The following LAMA2 variants were observed in gnomAD, a reference collection of about 807,000 sequenced individuals.
LAMA2 encodes laminin subunit alpha-2.
LAMA2 carries 269 observed loss-of-function variants against 364.8 expected under a neutral mutation model. The ratio of observed to expected loss-of-function variants is 0.74; its 90% confidence interval spans 0.67 to 0.82. LAMA2 has a LOEUF of 0.82. Ranked by LOEUF, LAMA2 falls within the 40% of genes least tolerant of loss-of-function variation. The pLI is 0.00. For synonymous variants in LAMA2, 1,379 were observed against 1,370.6 expected (o/e 1.01, Z -0.14); for missense variants, 3,807 against 3,873.2 (o/e 0.98, Z 0.45).
At chr6:129,329,983 TA>T (rs1442184059) in intron 29 of LAMA2, among the ~76,000 whole-genome samples, 1 of 151,980 alleles carries the variant, frequency 6.6e-6, no homozygotes, top group Non-Finnish European at 1.5e-5. Context: ...GCACAAACCC[TA>T]TTGTGAACTG....
intron 1 of LAMA2, among the ~76,000 whole-genome samples, chr6:129,035,319 A>G (rs998401882): frequency 7.0e-6 from 1 of 142,340 alleles, no homozygotes; most frequent in African/African-American, 2.6e-5. Flanking sequence ...TTTTTTTAGA[A>G]GTGTCTGTTA....
At chr6:129,073,977 G>T (rs1352750458) in intron 3 of LAMA2, among the ~76,000 whole-genome samples, 2 of 152,084 alleles carry the variant, frequency 1.3e-5, no homozygotes, top group Non-Finnish European at 2.9e-5. Context: ...TTTTCATTCT[G>T]TCAAGAGTTA....
At chr6:129,064,001 A>G (rs1324975520) in intron 3 of LAMA2, among the ~76,000 whole-genome samples, 1 of 152,144 alleles carries the variant, frequency 6.6e-6, no homozygotes, top group Non-Finnish European at 1.5e-5. Context: ...TCATTTAAAC[A>G]TATTAAAGGT....
chr6:129,474,087 G>A lies in LAMA2; in HGVS notation c.7439+735G>A, dbSNP rs562457227. The stretch of plus-strand genomic sequence containing the variant: ...TGGGATTAATTGATTTGGTTAAACC[G>A]TAAGAGTTTATTACAGACTACCATG... On this transcript the variant is annotated intron_variant, in intron 52 of 64. Transcript: ENST00000421865. Among the ~76,000 whole-genome samples the A allele has an allele frequency of 6.6e-5, 10 of 152,110 alleles. No homozygotes were observed. The East Asian group carries it at 7.7e-4, about 12-fold the overall frequency.
chr6:129,006,283 A>C (rs1784438592), intron 1 of LAMA2, among the ~76,000 whole-genome samples: 1 of 152,200 alleles, frequency 6.6e-6, no homozygotes, highest in Non-Finnish European at 1.5e-5. Flanking sequence ...TTATATTTTC[A>C]GTGTTTTAAT....
chr6:129,286,413 C>G (rs1789127987), intron 18 of LAMA2, among the ~76,000 whole-genome samples: 1 of 150,186 alleles, frequency 6.7e-6, no homozygotes, highest in Non-Finnish European at 1.5e-5. Context: ...AAGGACGTTT[C>G]TGCACACCTG....
chr6:129,286,558 G>T (rs1789144313), intron 18 of LAMA2, among the ~76,000 whole-genome samples: 2 of 5,566 alleles, frequency 3.6e-4, no homozygotes, highest in African/African-American at 6.3e-4. Flanking sequence ...TATATAAATA[G>T]TTTTATATTA....
intron 56 of LAMA2, among the ~76,000 whole-genome samples, chr6:129,488,947 C>A (rs773112189): frequency 6.6e-6 from 1 of 151,708 alleles, no homozygotes; most frequent in Non-Finnish European, 1.5e-5. Flanking sequence ...AACATCCTTT[C>A]ATCACAGATG....
chr6:129,083,685 A>G (rs1774200707), intron 3 of LAMA2, among the ~76,000 whole-genome samples: 1 of 152,224 alleles, frequency 6.6e-6, no homozygotes, highest in South Asian at 2.1e-4. Flanking sequence ...GTGTTTGTTA[A>G]AAGTTTCAAA....
intron 62 of LAMA2, among the ~76,000 whole-genome samples, chr6:129,510,576 C>CAT (rs1391164404): frequency 1.3e-5 from 2 of 152,052 alleles, no homozygotes; most frequent in South Asian, 4.1e-4. Flanking sequence ...AAATAAGTAA[C>CAT]ATAGTTCTTT....
intron 30 of LAMA2, among the ~76,000 whole-genome samples, chr6:129,346,257 A>G (rs1776545723): frequency 6.6e-6 from 1 of 152,132 alleles, no homozygotes; most frequent in Admixed American, 6.5e-5. Flanking sequence ...TCCATTCTAT[A>G]TAATGCCAAG....
chr6:129,403,329 G>A (rs537062210), intron 39 of LAMA2, among the ~76,000 whole-genome samples: 14 of 152,176 alleles, frequency 9.2e-5, no homozygotes, highest in Non-Finnish European at 1.6e-4. Flanking sequence ...CACAAAGCTA[G>A]GTATCATCAG....
chr6:129,446,767 G>A (rs1041112486), intron 45 of LAMA2, among the ~76,000 whole-genome samples: 5 of 151,892 alleles, frequency 3.3e-5, no homozygotes, highest in African/African-American at 9.7e-5. Flanking sequence ...TTAAGAATAC[G>A]ATGCTCCAGT....
intron 12 of LAMA2, among the ~76,000 whole-genome samples, chr6:129,240,762 G>A (rs969758614): frequency 6.6e-6 from 1 of 152,144 alleles, no homozygotes; most frequent in African/African-American, 2.4e-5. Flanking sequence ...AATTGAAAAT[G>A]CATTTATAAC....
chr6:129,487,773 A>G (rs1784664995), intron 56 of LAMA2, among the ~76,000 whole-genome samples: 1 of 152,204 alleles, frequency 6.6e-6, no homozygotes, highest in South Asian at 2.1e-4. Flanking sequence ...CAGAATGGCT[A>G]CTGAGACGTT....
intron 22 of LAMA2, among the ~76,000 whole-genome samples, chr6:129,311,738 T>A (rs1774245176): frequency 6.6e-6 from 1 of 152,126 alleles, no homozygotes; most frequent in Admixed American, 6.5e-5. Flanking sequence ...TTTAAAAGGA[T>A]AATGTAAGAC....
At chr6:129,237,855 A>G (rs1010387760) in intron 12 of LAMA2, among the ~76,000 whole-genome samples, 1 of 151,944 alleles carries the variant, frequency 6.6e-6, no homozygotes, top group African/African-American at 2.4e-5. Context: ...TGGCAATCCA[A>G]TGGGTGAAAA....
At chr6:128,961,310 A>C (rs974779405) in intron 1 of LAMA2, among the ~76,000 whole-genome samples, 1 of 95,258 alleles carries the variant, frequency 1.0e-5, no homozygotes, top group African/African-American at 3.5e-5. Flanking sequence ...GAGGGACAGA[A>C]CTAATATGAT....
intron 40 of LAMA2, among the ~76,000 whole-genome samples, chr6:129,421,503 G>T (rs1781071686): frequency 6.6e-6 from 1 of 152,048 alleles, no homozygotes; most frequent in African/African-American, 2.4e-5. Context: ...TGATGCTTAT[G>T]AATATGTATA....
Sources: gnomAD v4.1 joint callset for allele counts (sites outside exome capture counted in the v4.1 genomes callset) on GRCh38, gnomAD v4.1.1 for gene constraint, MANE v1.5 for transcripts, NCBI Gene and HGNC (gene_info 2026-07-23, HGNC 2026-07-21) for gene names.